Variants in KCNS3 observed in about 807,000 individuals in gnomAD.
KCNS3 encodes the protein delayed-rectifier potassium channel regulatory subunit KCNS3.
KCNS3 carries 13 observed loss-of-function variants against 31.0 expected under a neutral mutation model. The observed-to-expected ratio is 0.42, with a 90% CI of 0.27 to 0.67. KCNS3 has a LOEUF of 0.67. Among genes scored for constraint, KCNS3 ranks in the 30% least tolerant of loss-of-function variants. The pLI is 0.25. For synonymous variants in KCNS3, 238 were observed against 241.5 expected, an observed-to-expected ratio of 0.99 and a Z score of 0.13; for missense variants, 545 against 622.4, an observed-to-expected ratio of 0.88 and a Z score of 1.32.
intron 1 of KCNS3, among the ~76,000 whole-genome samples, chr2:17,880,646 A>G (rs1240378016): frequency 6.6e-6 from 1 of 152,250 alleles, no homozygotes; most frequent in African/African-American, 2.4e-5. Context: ...AGCTACGCTA[A>G]GGTTTTGCTG....
Position 17,931,016 on chromosome 2 carries a change from T to C in KCNS3, c.8T>C (p.Phe3Ser). 1 of 1,613,242 alleles carries C rather than the reference T, an allele frequency of 6.2e-7. No homozygotes were observed. The highest frequency in any genetic ancestry group is 1.3e-5 in the African/African-American group (1 of 75,028). The change falls in exon 3 of 3, where the codon TTT (phenylalanine) becomes TCT (serine). Residue 3 changes from phenylalanine to serine, a missense_variant. Physicochemically the swap from Phe to Ser is radical, Grantham distance 155. Coordinates refer to ENST00000304101, the MANE Select transcript of KCNS3 (RefSeq NM_002252.5). The surrounding 1 kb of genome is among the most constrained non-coding windows in gnomAD (Gnocchi z 5.4). ...CTGCCTTCTGTATCCACCATGGTGT[T>C]TGGTGAGTTTTTCCATCGCCCTGGA... MVFGEFFHRPGQD... is the reference protein window; with the variant it reads MVSGEFFHRPGQD...
intron 1 of KCNS3, among the ~76,000 whole-genome samples, chr2:17,899,469 A>G (rs1448123772): frequency 6.6e-6 from 1 of 152,128 alleles, no homozygotes; most frequent in Admixed American, 6.5e-5. Context: ...AGAAACCTCA[A>G]TGAACAATTC....
chr2:17,889,569 A>G (rs1661789932), intron 1 of KCNS3, among the ~76,000 whole-genome samples: 2 of 152,140 alleles, frequency 1.3e-5, no homozygotes, highest in South Asian at 2.1e-4. Context: ...TGGGTTTGTC[A>G]TAGATGGCTT....
intron 1 of KCNS3, among the ~76,000 whole-genome samples, chr2:17,890,261 G>C (rs1232915599): frequency 6.6e-6 from 1 of 152,084 alleles, no homozygotes; most frequent in Non-Finnish European, 1.5e-5. Flanking sequence ...AGTGGTGTCA[G>C]TTGTAATATT....
At chr2:17,921,915 G>GTGTATATATA (rs375189924) in intron 2 of KCNS3, among the ~76,000 whole-genome samples, 16 of 32,774 alleles carry the variant, frequency 4.9e-4, no homozygotes, top group South Asian at 1.3e-3. Context: ...GTGTGTGTGT[G>GTGTATATATA]TATATATATA....
chr2:17,910,109 T>A (rs1662436315), intron 1 of KCNS3, among the ~76,000 whole-genome samples: 1 of 152,260 alleles, frequency 6.6e-6, no homozygotes, highest in African/African-American at 2.4e-5. Context: ...CCAGTTATGT[T>A]GAAATGCAAT....
chr2:17,909,750 G>A (rs546045923), intron 1 of KCNS3, among the ~76,000 whole-genome samples: 1 of 152,316 alleles, frequency 6.6e-6, no homozygotes, highest in African/African-American at 2.4e-5. Flanking sequence ...CCACTGCAGA[G>A]GCCCTGAATT....
intron 1 of KCNS3, among the ~76,000 whole-genome samples, chr2:17,914,098 G>A (rs1662531224): frequency 6.6e-6 from 1 of 152,186 alleles, no homozygotes; most frequent in South Asian, 2.1e-4. Context: ...TCTTAGCCTT[G>A]CAACTACAGA....
chr2:17,926,823 C>G (rs945804010), intron 2 of KCNS3, among the ~76,000 whole-genome samples: 2 of 152,232 alleles, frequency 1.3e-5, no homozygotes, highest in African/African-American at 2.4e-5. Flanking sequence ...GAAATTTTCC[C>G]CATTGTCTTG....
intron 1 of KCNS3, among the ~76,000 whole-genome samples, chr2:17,887,524 T>TATCTATCC (rs1418664339): frequency 2.6e-5 from 4 of 151,960 alleles, no homozygotes; most frequent in Non-Finnish European, 5.9e-5. Context: ...TCTATCTATC[T>TATCTATCC]ATCTATCTCT....
Position 17,931,044 on chromosome 2 carries a change from A to C in KCNS3, c.36A>C (p.Gln12His). 1 of 1,614,022 alleles carries C rather than the reference A, an allele frequency of 6.2e-7. No homozygotes were observed. The highest frequency in any genetic ancestry group is 1.1e-5 in the South Asian group (1 of 91,066). Residue 12 changes from glutamine (Q) to histidine (H), a missense_variant, in exon 3 of 3, where the codon CAA becomes CAC. Coordinates refer to ENST00000304101, the MANE Select transcript of KCNS3 (RefSeq NM_002252.5). This position sits in a 1 kb window ranked among gnomAD's most constrained non-coding sequence, Gnocchi z 5.4. ...GTGAGTTTTTCCATCGCCCTGGACA[A>C]GACGAGGAACTTGTCAACCTGAATG... Reference protein sequence around the residue: ...VFGEFFHRPGQDEELVNLNVG... With the variant: ...VFGEFFHRPGHDEELVNLNVG...
intron 1 of KCNS3, among the ~76,000 whole-genome samples, chr2:17,899,240 A>T (rs1409738266): frequency 6.6e-6 from 1 of 152,220 alleles, no homozygotes; most frequent in East Asian, 1.9e-4. Flanking sequence ...TACAAAAGAC[A>T]AAACAAAACA....
chr2:17,932,828 A>G lies in KCNS3; in HGVS notation c.*344A>G, dbSNP rs566181322. 20 of 206,678 alleles carry G rather than the reference A, an allele frequency of 9.7e-5. No individual in the cohort carries two copies. In the South Asian group the frequency reaches 2.6e-3, roughly 27 times the overall value. 12.8% of individuals were successfully genotyped at this position (206,678 alleles called of 1,614,324 possible). ...AGCTAACTTTAAATTACTGACAAGT[A>G]GAATCAAAGGTGCAGCTGACTGAGA... On this transcript the variant is annotated 3_prime_UTR_variant, in exon 3 of 3. Transcript: ENST00000304101.
intron 1 of KCNS3, among the ~76,000 whole-genome samples, chr2:17,906,356 T>C (rs574632335): frequency 2.0e-5 from 3 of 152,308 alleles, no homozygotes; most frequent in Non-Finnish European, 4.4e-5. Context: ...TCTCTTTTCT[T>C]CTTTATTAGT....
At chr2:17,909,433 C>A (rs139983257) in intron 1 of KCNS3, among the ~76,000 whole-genome samples, 1 of 152,144 alleles carries the variant, frequency 6.6e-6, no homozygotes, top group Non-Finnish European at 1.5e-5. Context: ...TGCCCTGCTT[C>A]GGCTCACACT....
intron 1 of KCNS3, among the ~76,000 whole-genome samples, chr2:17,885,902 C>T (rs558271597): frequency 1.2e-4 from 19 of 152,190 alleles, no homozygotes; most frequent in Non-Finnish European, 2.5e-4. Context: ...CAATAATGAC[C>T]GTCACAGATA....
chr2:17,909,467 G>GC (rs1392475955), intron 1 of KCNS3, among the ~76,000 whole-genome samples: 4 of 152,070 alleles, frequency 2.6e-5, no homozygotes, highest in Non-Finnish European at 5.9e-5. Context: ...CCACTGTCCT[G>GC]CCCCCACTGT....
In KCNS3 at chr2:17,932,310, G is replaced by A; in HGVS notation, c.1302G>A (p.Glu434=). 3 of 1,614,098 alleles carry A rather than the reference G, an allele frequency of 1.9e-6. No homozygotes were observed. The highest frequency in any genetic ancestry group is 2.5e-6 in the Non-Finnish European group (3 of 1,179,994). ...CSEDAPEKCH[E]LPYFNIRDIY... ...AGGATGCACCAGAGAAGTGTCATGA[G>A]CTACCTTACTTTAACATTAGGGATA... is the stretch of plus-strand genomic sequence containing the variant. Residue 434 remains glutamate, a synonymous_variant, in exon 3 of 3, where the codon GAG becomes GAA. Transcript: ENST00000304101.
intron 1 of KCNS3, among the ~76,000 whole-genome samples, chr2:17,888,637 A>ATATATC (rs1661757551): frequency 4.2e-5 from 3 of 70,746 alleles, no homozygotes; most frequent in Non-Finnish European, 7.6e-5. Context: ...ATGTATATAT[A>ATATATC]TATATATATA....
Sources: gnomAD v4.1 joint callset for allele counts (sites outside exome capture counted in the v4.1 genomes callset) on GRCh38, gnomAD v4.1.1 for gene constraint, Gnocchi (gnomAD v3.1) non-coding constraint, MANE v1.5 for transcripts, NCBI Gene and HGNC (gene_info 2026-07-23, HGNC 2026-07-21) for gene names.